CENPS: variants seen among roughly 807,000 people sequenced by gnomAD.
CENPS encodes the protein centromere protein S.
A neutral mutation model predicts 17.9 loss-of-function variants in CENPS; 16 were observed. The observed-to-expected ratio is 0.90, with a 90% CI of 0.61 to 1.36. CENPS has a LOEUF of 1.36. CENPS is among the 40% of genes most tolerant of loss of function. CENPS has a pLI of 0.00. For synonymous variants in CENPS, 49 were observed against 55.8 expected (o/e 0.88, Z 0.54); for missense variants, 160 against 158.6 (o/e 1.01, Z -0.05).
In CENPS at chr1:10,442,278, C is replaced by T. The variant is rs745811069; in HGVS notation, c.290C>T (p.Thr97Ile). 2.1e-5 allele frequency: 33 copies of T among 1,586,984 alleles called. No individual in the cohort carries two copies. The highest frequency in any genetic ancestry group is 1.4e-5 in the African/African-American group (1 of 72,592). ...RRSNSLLKYITDKSEEIAQIN... is the reference protein window; with the variant it reads ...RRSNSLLKYIIDKSEEIAQIN... The stretch of plus-strand genomic sequence containing the variant: ...TTTTTTTTATAGCTAAAATACATCA[C>T]AGACAAAAGTGAAGAGATTGCTCAG... Residue 97 changes from threonine to isoleucine, a missense_variant, in exon 5 of 5, where the codon ACA becomes ATA. Thr to Ile is a moderately conservative substitution (Grantham distance 89, BLOSUM62 -1). Coordinates refer to ENST00000309048, the MANE Select transcript of CENPS (RefSeq NM_199294.3).
At chr1:10,430,710 A>G in intron 1 of CENPS, 142 bp downstream of exon 1, 1 of 362,992 alleles carries the variant, frequency 2.8e-6, no homozygotes, top group South Asian at 7.4e-5. Context: ...CGTTGGCTTA[A>G]CTGCCGCGGG....
rs67398957 is a variant in CENPS at position 10,435,736 on chromosome 1, CAT to C, written c.209+1050_209+1051del. On this transcript the variant is annotated intron_variant, in intron 3 of 4. Coordinates refer to ENST00000309048, the MANE Select transcript of CENPS (RefSeq NM_199294.3). ...ATATATACACACACACACACACACA[CAT>C]ATACATAAATATTTATATTAGAGAC... Among the ~76,000 whole-genome samples, 5 of 107,630 alleles carry C rather than the reference CAT, an allele frequency of 4.6e-5. No individual in the cohort carries two copies. The South Asian group carries it at 1.0e-3, about 21-fold the overall frequency. 70.6% of individuals were successfully genotyped at this position (107,630 alleles called of 152,430 possible). A position where few individuals can be genotyped will look rare whatever the true frequency, so the allele number is the denominator to read the frequency against.
intron 2 of CENPS, 95 bp downstream of exon 2, chr1:10,434,060 C>G: frequency 6.4e-7 from 1 of 1,565,548 alleles, no homozygotes; most frequent in Admixed American, 1.8e-5. Flanking sequence ...GCGAGTCTGA[C>G]CAGCAGACCA....
chr1:10,434,152 AT>A (rs1640047226), intron 2 of CENPS, among the ~76,000 whole-genome samples, 187 bp downstream of exon 2: 1 of 152,126 alleles, frequency 6.6e-6, no homozygotes, highest in Non-Finnish European at 1.5e-5. Flanking sequence ...GGGAAGAACT[AT>A]TTTTTTCCTA....
chr1:10,435,960 T>A (rs1487640903), intron 3 of CENPS, among the ~76,000 whole-genome samples: 1 of 149,294 alleles, frequency 6.7e-6, no homozygotes, highest in Non-Finnish European at 1.5e-5. Flanking sequence ...TTCTGTGTTT[T>A]TTAAAGTATA....
At chr1:10,434,754 G>A (rs1182434440) in intron 3 of CENPS, 64 bp downstream of exon 3, 2 of 1,539,574 alleles carry the variant, frequency 1.3e-6, no homozygotes, top group East Asian at 2.4e-5. Flanking sequence ...TCTCCATCTG[G>A]TGGGTTATTT....
At chr1:10,442,127 A>G (rs1260784173) in intron 4 of CENPS, 138 bp from the exon 5 acceptor site, 2 of 1,168,510 alleles carry the variant, frequency 1.7e-6, no homozygotes, top group Admixed American at 7.2e-5. Context: ...ATTCTTAGAA[A>G]TGTAACCCAG....
chr1:10,438,888 G>T (rs1640290806), intron 3 of CENPS, among the ~76,000 whole-genome samples: 1 of 152,214 alleles, frequency 6.6e-6, no homozygotes, highest in Non-Finnish European at 1.5e-5. Context: ...CAGCCTGGTT[G>T]TGAGGTTGAG....
At chr1:10,434,771 A>G in intron 3 of CENPS, 81 bp downstream of exon 3, 1 of 1,485,162 alleles carries the variant, frequency 6.7e-7, no homozygotes, top group Non-Finnish European at 8.9e-7. Context: ...ATTTCAGGAG[A>G]GCTTTAGCTA....
chr1:10,437,081 T>G (rs1353693879), intron 3 of CENPS, among the ~76,000 whole-genome samples: 1 of 152,240 alleles, frequency 6.6e-6, no homozygotes, highest in Non-Finnish European at 1.5e-5. Context: ...TGTTACATAG[T>G]CTCTGTAGGC....
intron 3 of CENPS, among the ~76,000 whole-genome samples, chr1:10,438,055 C>T (rs1461730115): frequency 6.6e-6 from 1 of 152,188 alleles, no homozygotes; most frequent in Non-Finnish European, 1.5e-5. Flanking sequence ...ATCCACCATG[C>T]CTGGCCAGAG....
At position 10,434,647 on chromosome 1, in the gene CENPS, T is replaced by C. The variant is rs1043007535; in HGVS notation, c.176-10T>C. 1.2e-6 allele frequency: 2 copies of C among 1,603,302 alleles called. No homozygotes were observed. Among genetic ancestry groups the C allele is most frequent in the Non-Finnish European group, 1.7e-6 (2 of 1,177,408 alleles). On this transcript the variant is annotated splice_polypyrimidine_tract_variant and intron_variant, in intron 2 of 4. Coordinates refer to ENST00000309048, the MANE Select transcript of CENPS (RefSeq NM_199294.3). The stretch of plus-strand genomic sequence containing the variant: ...GTGCCTAAAGTGTGTATCTTTTTTT[T>C]CTCTTTCAGAAAATTTTGCCAAAGA...
chr1:10,430,597 T>G (rs1408675755), intron 1 of CENPS, 29 bp downstream of exon 1: 4 of 1,526,042 alleles, frequency 2.6e-6, no homozygotes, highest in Non-Finnish European at 3.5e-6. Flanking sequence ...CGGGCTGGGC[T>G]GGGGCAGGAC....
At chr1:10,441,247 C>T (rs1640394799) in intron 4 of CENPS, among the ~76,000 whole-genome samples, 2 of 149,684 alleles carry the variant, frequency 1.3e-5, no homozygotes, top group Admixed American at 1.3e-4. Context: ...GTCTTGAACT[C>T]CTGGGCTCAG....
rs567822929 is a variant in CENPS at position 10,435,249 on chromosome 1, C to T, written c.209+559C>T. Among the ~76,000 whole-genome samples the T allele has an allele frequency of 4.6e-5, 7 of 152,252 alleles. No individual in the cohort carries two copies. In the East Asian group the frequency reaches 5.8e-4, roughly 13 times the overall value. ...TTATGCTCCGCTCTTCAATTAGTAC[C>T]GCAGGTAATTGAAAACAATTGCACC... On this transcript the variant is annotated intron_variant, in intron 3 of 4. Coordinates refer to ENST00000309048, the MANE Select transcript of CENPS (RefSeq NM_199294.3).
At chr1:10,434,556 C>T in intron 2 of CENPS, 101 bp from the exon 3 acceptor site, 1 of 1,536,350 alleles carries the variant, frequency 6.5e-7, no homozygotes, top group Non-Finnish European at 8.8e-7. Flanking sequence ...TTATATTAGT[C>T]AAGTCACTGT....
intron 1 of CENPS, chr1:10,431,346 A>C (rs1570016009): frequency 6.5e-7 from 1 of 1,535,334 alleles, no homozygotes; most frequent in Non-Finnish European, 8.7e-7. Flanking sequence ...GCAGCTGTCT[A>C]CCCTGCCCCT....
At chr1:10,433,447 G>A (rs1640012523) in intron 1 of CENPS, among the ~76,000 whole-genome samples, 1 of 152,118 alleles carries the variant, frequency 6.6e-6, no homozygotes, top group African/African-American at 2.4e-5. Context: ...CTGCCTTAAG[G>A]GCAAAGTTCC....
chr1:10,431,813 C>A (rs1015021104), intron 1 of CENPS, among the ~76,000 whole-genome samples: 2 of 144,630 alleles, frequency 1.4e-5, no homozygotes, highest in African/African-American at 2.6e-5. Context: ...GAGATCGCAC[C>A]ATTGCACTCC....
Sources: allele counts gnomAD v4.1 joint callset (sites outside exome capture counted in the v4.1 genomes callset), GRCh38; gene constraint gnomAD v4.1.1; transcripts MANE v1.5; gene names NCBI Gene and HGNC (gene_info 2026-07-23, HGNC 2026-07-21).